NYAP2: variants seen among roughly 807,000 people sequenced by gnomAD.
NYAP2 encodes neuronal tyrosine-phosphorylated phosphoinositide-3-kinase adaptor 2.
In NYAP2, 23 loss-of-function variants were observed where a neutral mutation model predicts 50.4. The observed-to-expected ratio is 0.46, with a 90% confidence interval of 0.33 to 0.65. The LOEUF (loss-of-function observed/expected upper bound fraction) is 0.65, where lower values mean the gene tolerates loss of function less well. Among genes scored for constraint, NYAP2 ranks in the 30% least tolerant of loss-of-function variants. NYAP2 has a pLI of 0.02. For synonymous variants in NYAP2, 394 were observed against 365.2 expected, an observed-to-expected ratio of 1.08 and a Z score of -0.90; for missense variants, 885 against 861.0, an observed-to-expected ratio of 1.03 and a Z score of -0.35.
intron 3 of NYAP2, among the ~76,000 whole-genome samples, chr2:225,451,941 C>A (rs1187053129): frequency 6.6e-6 from 1 of 152,024 alleles, no homozygotes; most frequent in Non-Finnish European, 1.5e-5. Flanking sequence ...TCTCTCATTA[C>A]ATATATATGC....
intron 3 of NYAP2, among the ~76,000 whole-genome samples, chr2:225,442,205 T>G (rs766815231): frequency 5.3e-5 from 8 of 151,842 alleles, no homozygotes; most frequent in Non-Finnish European, 1.2e-4. Flanking sequence ...TGAGGAGGAG[T>G]AGTTGATTAG....
At chr2:225,624,010 CG>C (rs1194622159) in intron 5 of NYAP2, among the ~76,000 whole-genome samples, 1 of 152,130 alleles carries the variant, frequency 6.6e-6, no homozygotes, top group Admixed American at 6.6e-5. Context: ...AAAATTAACA[CG>C]CTATTTCCAT....
At chr2:225,561,814 T>C (rs1028727444) in intron 4 of NYAP2, among the ~76,000 whole-genome samples, 2 of 152,164 alleles carry the variant, frequency 1.3e-5, no homozygotes, top group African/African-American at 2.4e-5. Flanking sequence ...TTCTGTATTA[T>C]ATGTATCATG....
downstream of NYAP2, among the ~76,000 whole-genome samples, chr2:225,657,139 T>C (rs184256285): frequency 7.0e-6 from 1 of 142,814 alleles, no homozygotes; most frequent in East Asian, 2.1e-4. Flanking sequence ...AGACAGAGCT[T>C]CACTCTTGTT....
intron 5 of NYAP2, among the ~76,000 whole-genome samples, chr2:225,600,475 T>G (rs1692674481): frequency 6.6e-6 from 1 of 152,162 alleles, no homozygotes; most frequent in African/African-American, 2.4e-5. Context: ...GGGGGTTTGT[T>G]TTGGAAAAGG....
chr2:225,463,835 T>G (rs776564294), intron 3 of NYAP2, among the ~76,000 whole-genome samples: 1 of 152,196 alleles, frequency 6.6e-6, no homozygotes, highest in Non-Finnish European at 1.5e-5. Flanking sequence ...GTGAGCAGCA[T>G]GCACTTTGGG....
chr2:225,515,859 C>T (rs936658429), intron 4 of NYAP2, among the ~76,000 whole-genome samples: 1 of 151,766 alleles, frequency 6.6e-6, no homozygotes, highest in East Asian at 1.9e-4. Context: ...AGATGGGGGG[C>T]CTGAATGCAG....
At chr2:225,568,358 A>G (rs1376236129) in intron 4 of NYAP2, among the ~76,000 whole-genome samples, 1 of 152,118 alleles carries the variant, frequency 6.6e-6, no homozygotes, top group African/African-American at 2.4e-5. Flanking sequence ...AATGTTGAGT[A>G]TTCCTTCACT....
At chr2:225,588,314 T>G (rs534720095) in intron 5 of NYAP2, among the ~76,000 whole-genome samples, 1 of 151,584 alleles carries the variant, frequency 6.6e-6, no homozygotes, top group Non-Finnish European at 1.5e-5. Flanking sequence ...GAATTAGAAA[T>G]CAGATATCAT....
At chr2:225,465,990 C>A (rs750846241) in intron 3 of NYAP2, among the ~76,000 whole-genome samples, 4 of 152,128 alleles carry the variant, frequency 2.6e-5, no homozygotes, top group Non-Finnish European at 5.9e-5. Flanking sequence ...CCTATTAAGG[C>A]TCACCTACAA....
At chr2:225,679,266 T>A in the NYAP2 span, among the ~76,000 whole-genome samples, 22 of 152,242 alleles carry the variant, frequency 1.4e-4, no homozygotes, top group African/African-American at 5.3e-4. Flanking sequence ...GTCATGGTCC[T>A]AGAACAAAAT....
intron 3 of NYAP2, among the ~76,000 whole-genome samples, chr2:225,477,165 T>C (rs1174504877): frequency 6.6e-6 from 1 of 151,940 alleles, no homozygotes; most frequent in Non-Finnish European, 1.5e-5. Flanking sequence ...TTACTGTGCA[T>C]GTAAATCACA....
At chr2:225,417,307 G>T (rs1444023974) in intron 3 of NYAP2, among the ~76,000 whole-genome samples, 1 of 152,116 alleles carries the variant, frequency 6.6e-6, no homozygotes, top group African/African-American at 2.4e-5. Flanking sequence ...TAAAGAAAAT[G>T]TCTTCATTAT....
chr2:225,607,928 T>C (rs895954619), intron 5 of NYAP2, among the ~76,000 whole-genome samples: 2 of 152,182 alleles, frequency 1.3e-5, no homozygotes, highest in African/African-American at 4.8e-5. Context: ...TCTATAATTA[T>C]GTTCCATTTT....
intron 4 of NYAP2, among the ~76,000 whole-genome samples, chr2:225,544,265 G>A (rs911629715): frequency 2.0e-5 from 3 of 151,402 alleles, no homozygotes; most frequent in Admixed American, 1.3e-4. Flanking sequence ...TTTGATTGGA[G>A]AGTTTAATCC....
intron 5 of NYAP2, among the ~76,000 whole-genome samples, chr2:225,594,303 C>T (rs915546105): frequency 1.3e-5 from 2 of 152,060 alleles, no homozygotes; most frequent in Non-Finnish European, 2.9e-5. Flanking sequence ...GAGGGCATAT[C>T]ACTTGAGGTC....
intron 5 of NYAP2, among the ~76,000 whole-genome samples, chr2:225,620,502 C>T (rs1426253706): frequency 6.6e-6 from 1 of 151,942 alleles, no homozygotes; most frequent in East Asian, 1.9e-4. Context: ...CACACGCACG[C>T]ACACACACAT....
intron 3 of NYAP2, among the ~76,000 whole-genome samples, chr2:225,491,052 G>A (rs974880203): frequency 1.3e-5 from 2 of 152,156 alleles, no homozygotes; most frequent in Non-Finnish European, 2.9e-5. Context: ...GACAAGTGGG[G>A]TCTTCTGAAT....
At chr2:225,547,313 C>T (rs1406666920) in intron 4 of NYAP2, among the ~76,000 whole-genome samples, 2 of 152,212 alleles carry the variant, frequency 1.3e-5, no homozygotes, top group Non-Finnish European at 2.9e-5. Context: ...TTGGACACCC[C>T]GGCTTGTGTC....
Sources: allele counts gnomAD v4.1 joint callset (sites outside exome capture counted in the v4.1 genomes callset), GRCh38; gene constraint gnomAD v4.1.1; transcripts MANE v1.5; gene names NCBI Gene and HGNC (gene_info 2026-07-23, HGNC 2026-07-21).